Variants in OSBPL1A observed in about 807,000 individuals in gnomAD.
OSBPL1A encodes the protein oxysterol-binding protein-related protein 1.
OSBPL1A carries 80 observed loss-of-function variants against 137.1 expected under a neutral mutation model. The ratio of observed to expected loss-of-function variants is 0.58; its 90% CI spans 0.49 to 0.70. OSBPL1A has a LOEUF of 0.70. Among genes scored for constraint, OSBPL1A ranks in the 30% least tolerant of loss-of-function variants. The pLI is 0.00. For synonymous variants in OSBPL1A, 365 were observed against 389.7 expected (o/e 0.94, Z 0.75); for missense variants, 970 against 1,129.4 (o/e 0.86, Z 2.02).
In OSBPL1A at chr18:24,168,493, G is replaced by A. The variant is rs114158291; in HGVS notation, c.2419-1048C>T. Among the ~76,000 whole-genome samples the A allele has an allele frequency of 5.2e-3, 787 of 152,256 alleles. 7 individuals are homozygous for A. The highest frequency in any genetic ancestry group is 0.018 in the African/African-American group (755 of 41,548). ...CATTTCCTCGGGCTCCCCTCTCCGC[G>A]GCCCAGCTATGCTAGTGCTGTATGT... On this transcript the variant is annotated intron_variant, in intron 24 of 27. Coordinates refer to ENST00000319481, the MANE Select transcript of OSBPL1A (RefSeq NM_080597.4).
intron 16 of OSBPL1A, among the ~76,000 whole-genome samples, chr18:24,228,433 C>A (rs1403786351): frequency 6.6e-6 from 1 of 152,162 alleles, no homozygotes; most frequent in African/African-American, 2.4e-5. Flanking sequence ...GTACAATGGT[C>A]ATTTTTCAAT....
chr18:24,332,465 G>A (rs2091098872), intron 7 of OSBPL1A, among the ~76,000 whole-genome samples: 1 of 146,024 alleles, frequency 6.8e-6, no homozygotes, highest in Non-Finnish European at 1.5e-5. Flanking sequence ...CAGTGGAAAA[G>A]GCTGTGATAT....
At chr18:24,164,042 A>G (rs551770404) in intron 27 of OSBPL1A, among the ~76,000 whole-genome samples, 203 of 152,174 alleles carry the variant, frequency 1.3e-3, no homozygotes, top group Non-Finnish European at 2.2e-3. Context: ...AAACTCTTAA[A>G]CTTCCATTTT....
In OSBPL1A at chr18:24,271,462, C is replaced by T; in HGVS notation, c.1281+9380G>A. ...GGCTGGTGCGCCCCTCCCCACGCGC[C>T]CGCGGCTGCACCCCACTCTGCACAC... On this transcript the variant is annotated intron_variant, in intron 15 of 27. Coordinates refer to ENST00000319481, the MANE Select transcript of OSBPL1A (RefSeq NM_080597.4). This position sits in a 1 kb window ranked among gnomAD's most constrained non-coding sequence, Gnocchi z 4.0. The T allele has an allele frequency of 1.3e-6, 1 of 780,684 alleles. No homozygotes were observed. The highest frequency in any genetic ancestry group is 1.6e-6 in the Non-Finnish European group (1 of 642,842). The allele number at this position is 780,684 out of a possible 1,614,324, so 48.4% of individuals were successfully genotyped here.
rs76000851 is a variant in OSBPL1A, at chr18:24,215,207, G to GT, written c.1601+9834dup. On this transcript the variant is annotated intron_variant, in intron 17 of 27. Transcript: ENST00000319481. ...GCATCCTTCCCCTTTCCTAAAGCAG[G>GT]TTTTTTTTCTGCTGAGAAAGATTAC... Among the ~76,000 whole-genome samples the GT allele has an allele frequency of 7.4e-3, 1,124 of 152,058 alleles. 30 individuals carry two copies. The highest frequency in any genetic ancestry group is 0.053 in the East Asian group (275 of 5,170).
rs553875704 is a variant in OSBPL1A at position 24,294,492 on chromosome 18, C to G, written c.1174+9145G>C. ...CAGGTGATCCGCCCGACTCAGCCTCCCAAAGTGCTGGGATTACAGGCGTGA... is the reference window on the plus strand; with the variant it reads ...CAGGTGATCCGCCCGACTCAGCCTCGCAAAGTGCTGGGATTACAGGCGTGA... On this transcript the variant is annotated intron_variant, in intron 14 of 27. Coordinates refer to ENST00000319481, the MANE Select transcript of OSBPL1A (RefSeq NM_080597.4). Among the ~76,000 whole-genome samples, 11 of 152,258 alleles carry G rather than the reference C, an allele frequency of 7.2e-5. No individual in the cohort carries two copies. In the East Asian group the frequency reaches 2.1e-3, roughly 29 times the overall value.
intron 14 of OSBPL1A, among the ~76,000 whole-genome samples, chr18:24,300,931 C>T (rs878874543): frequency 2.6e-5 from 4 of 152,166 alleles, no homozygotes; most frequent in African/African-American, 4.8e-5. Context: ...CATCCTACCA[C>T]GTCAGCCTCT....
rs537309048 is a variant in OSBPL1A at position 24,379,707 on chromosome 18, T to TA, written c.-2-2173dup. On this transcript the variant is annotated intron_variant, in intron 1 of 27. Coordinates refer to ENST00000319481, the MANE Select transcript of OSBPL1A (RefSeq NM_080597.4). ...GGTGAAACCTCATCTCTACTAAAAA[T>TA]AAAAAAAAAAAATTTAGCCAGGTGT... 7.6e-3 allele frequency among the ~76,000 whole-genome samples: 1,075 copies of TA among 140,920 alleles called. 13 individuals are homozygous for TA. The highest frequency in any genetic ancestry group is 0.026 in the African/African-American group (996 of 38,438). The allele number at this position is 140,920 out of a possible 152,430, so 92.4% of individuals were successfully genotyped here.
At chr18:24,333,891 T>C (rs2091127507) in intron 6 of OSBPL1A, among the ~76,000 whole-genome samples, 1 of 152,208 alleles carries the variant, frequency 6.6e-6, no homozygotes, top group African/African-American at 2.4e-5. Context: ...AGGGTCCTAT[T>C]TATTATGTTT....
chr18:24,182,758 A>G (rs1400627650), intron 18 of OSBPL1A, among the ~76,000 whole-genome samples: 1 of 152,146 alleles, frequency 6.6e-6, no homozygotes, highest in African/African-American at 2.4e-5. Flanking sequence ...GCTCAACTAC[A>G]TACACTCTAA....
chr18:24,356,967 T>A (rs2091547056), intron 4 of OSBPL1A, among the ~76,000 whole-genome samples: 1 of 152,046 alleles, frequency 6.6e-6, no homozygotes, highest in Non-Finnish European at 1.5e-5. Context: ...ACCTTTTCTA[T>A]CCCTATTAGG....
chr18:24,288,764 C>CAAAA lies in OSBPL1A; in HGVS notation c.1175-7820_1175-7817dup, dbSNP rs10627986. 2.0e-3 allele frequency among the ~76,000 whole-genome samples: 249 copies of CAAAA among 127,008 alleles called. 4 individuals carry two copies. The highest frequency in any genetic ancestry group is 7.6e-3 in the Middle Eastern group (2 of 262). 83.3% of individuals were successfully genotyped at this position (127,008 alleles called of 152,430 possible). ...CCTGGGTGACAGAGCAAGACTGTCT[C>CAAAA]AAAAAAAAAAAAAAAAATTGTGGAG... is the stretch of plus-strand genomic sequence containing the variant. On this transcript the variant is annotated intron_variant, in intron 14 of 27. Transcript: ENST00000319481.
chr18:24,370,724 G>T (rs1413021963), intron 2 of OSBPL1A, among the ~76,000 whole-genome samples: 1 of 152,190 alleles, frequency 6.6e-6, no homozygotes, highest in Non-Finnish European at 1.5e-5. Context: ...CTATAGTGCA[G>T]TGGCACAATC....
chr18:24,303,582 A>G, intron 14 of OSBPL1A, 55 bp downstream of exon 14: 1 of 1,364,918 alleles, frequency 7.3e-7, no homozygotes, highest in Non-Finnish European at 1.0e-6. Flanking sequence ...AAACTACAAC[A>G]GGTCAGTATC....
chr18:24,390,757 T>C (rs975578135), intron 1 of OSBPL1A, among the ~76,000 whole-genome samples: 4 of 148,400 alleles, frequency 2.7e-5, no homozygotes, highest in Non-Finnish European at 6.0e-5. Flanking sequence ...ATCCCAAATA[T>C]TGTGTTTCTC....
chr18:24,171,934 T>A (rs1216756218), intron 22 of OSBPL1A, among the ~76,000 whole-genome samples: 1 of 151,228 alleles, frequency 6.6e-6, no homozygotes, highest in East Asian at 1.9e-4. Context: ...TTAGTTATAT[T>A]GCCTGATCCT....
chr18:24,204,810 C>T (rs532626530), intron 17 of OSBPL1A, among the ~76,000 whole-genome samples: 19 of 152,210 alleles, frequency 1.2e-4, no homozygotes, highest in African/African-American at 3.4e-4. Context: ...TTCTCTTACT[C>T]GCAATTCCAG....
At chr18:24,343,029 TATTA>T (rs1370728899) in intron 4 of OSBPL1A, among the ~76,000 whole-genome samples, 1 of 152,024 alleles carries the variant, frequency 6.6e-6, no homozygotes, top group African/African-American at 2.4e-5. Flanking sequence ...AAATAGTTCA[TATTA>T]ATTAAAGAAA....
chr18:24,392,191 TC>T (rs1907405696), intron 1 of OSBPL1A, among the ~76,000 whole-genome samples: 1 of 151,054 alleles, frequency 6.6e-6, no homozygotes, highest in African/African-American at 2.4e-5. Flanking sequence ...AGATGGAGTT[TC>T]ACTTGTTTCC....
Sources: gnomAD v4.1 joint callset for allele counts (sites outside exome capture counted in the v4.1 genomes callset) on GRCh38, gnomAD v4.1.1 for gene constraint, Gnocchi (gnomAD v3.1) non-coding constraint, MANE v1.5 for transcripts, NCBI Gene and HGNC (gene_info 2026-07-23, HGNC 2026-07-21) for gene names.